BCORL1: variants seen among roughly 807,000 people sequenced by gnomAD.
BCORL1 encodes BCL6 corepressor like 1.
Under a neutral mutation model 87.6 loss-of-function variants are expected in BCORL1, and 7 were observed. The ratio of observed to expected loss-of-function variants is 0.08; its 90% CI spans 0.05 to 0.15. BCORL1 has a LOEUF of 0.15. Ranked by LOEUF, BCORL1 falls within the 10% of genes least tolerant of loss-of-function variation. BCORL1 has a pLI of 1.00. For synonymous variants in BCORL1, 591 were observed against 634.4 expected, an observed-to-expected ratio of 0.93 and a Z score of 1.03; for missense variants, 1,215 against 1,499.7, an observed-to-expected ratio of 0.81 and a Z score of 3.13.
At chrX:130,050,605 T>C in intron 11 of BCORL1, 112 bp from the exon 12 acceptor site, 1 of 621,347 alleles carries the variant, frequency 1.6e-6, no homozygotes, top group Non-Finnish European at 2.7e-6. Flanking sequence ...GACTCTCTTG[T>C]GGTCCTTCCT....
intron 1 of BCORL1, among the ~76,000 whole-genome samples, chrX:129,987,489 A>G (rs1272896225): frequency 8.9e-6 from 1 of 111,888 alleles, no homozygotes; most frequent in Non-Finnish European, 1.9e-5. Flanking sequence ...AACATTAATT[A>G]GAAAATCTAG....
At chrX:130,054,434 G>A (rs1335625960) in intron 13 of BCORL1, among the ~76,000 whole-genome samples, 2 of 111,332 alleles carry the variant, frequency 1.8e-5, no homozygotes, top group African/African-American at 6.5e-5. Flanking sequence ...CCTGGAAGGA[G>A]AGAAGGATGG....
At position 130,014,937 on chromosome X, in the gene BCORL1, A is replaced by G. The variant is rs1303976877; in HGVS notation, c.2165A>G (p.Asn722Ser). The change falls in exon 4 of 14, where the codon AAC becomes AGC. Residue 722 changes from asparagine to serine, a missense_variant. Asn to Ser is a conservative substitution (Grantham distance 46). Around this residue, in one of 5 missense-constraint regions of BCORL1, gnomAD observed 861 missense variants for 1,010.0 expected, o/e 0.85. Transcript: ENST00000540052. ...CCTGGCACCTACGTGGGAGTGGCCAACCCAGTGCCTGCATCCCTGCTGCTG... is the reference window on the plus strand; with the variant it reads ...CCTGGCACCTACGTGGGAGTGGCCAGCCCAGTGCCTGCATCCCTGCTGCTG... ...TIPGTYVGVA[N>S]PVPASLLLNK... The G allele has an allele frequency of 1.9e-5, 23 of 1,211,449 alleles. No individual in the cohort carries two copies. The highest frequency in any genetic ancestry group is 2.6e-5 in the Non-Finnish European group (23 of 895,304).
intron 11 of BCORL1, among the ~76,000 whole-genome samples, chrX:130,041,305 CAGAG>C (rs1277431061): frequency 2.1e-5 from 2 of 97,426 alleles, no homozygotes; most frequent in Non-Finnish European, 4.0e-5. Context: ...AAAAAAGAGA[CAGAG>C]AGGAGAGAAA....
intron 8 of BCORL1, among the ~76,000 whole-genome samples, chrX:130,032,735 A>T (rs760990189): frequency 3.7e-4 from 17 of 46,503 alleles, no homozygotes; most frequent in Admixed American, 1.6e-3. Context: ...AATCTCTTCT[A>T]TTTATTTATT....
At chrX:129,990,381 A>G (rs916137262) in intron 1 of BCORL1, among the ~76,000 whole-genome samples, 6 of 109,453 alleles carry the variant, frequency 5.5e-5, no homozygotes, top group Admixed American at 9.7e-5. Flanking sequence ...ACAGGCGCCC[A>G]CCACCGTGCC....
At chrX:129,994,492 G>A (rs903197154) in intron 1 of BCORL1, among the ~76,000 whole-genome samples, 1 of 111,594 alleles carries the variant, frequency 9.0e-6, no homozygotes, top group Non-Finnish European at 1.9e-5. Flanking sequence ...CTGGCCGCTC[G>A]GCTGAGATGA....
Position 130,014,608 on chromosome X carries a change from C to G in BCORL1, c.1836C>G (p.Ala612=). Residue 612 remains alanine, a synonymous_variant, in exon 4 of 14, where the codon GCC becomes GCG. Coordinates refer to ENST00000540052, the MANE Select transcript of BCORL1 (RefSeq NM_001379451.1). ...KSPPQLEREM[A]SPPECSEMPL... ...CGCCACAGCTGGAACGAGAGATGGC[C>G]TCTCCACCTGAGTGCAGCGAGATGC... 2 of 1,211,716 alleles carry G rather than the reference C, an allele frequency of 1.7e-6. No homozygotes were observed. The highest frequency in any genetic ancestry group is 2.2e-6 in the Non-Finnish European group (2 of 895,505).
intron 1 of BCORL1, among the ~76,000 whole-genome samples, chrX:130,002,873 G>A (rs1241535427): frequency 9.1e-6 from 1 of 110,048 alleles, no homozygotes; most frequent in Non-Finnish European, 1.9e-5. Flanking sequence ...CAGAGGTGAA[G>A]AGAGACAGAG....
At chrX:130,025,414 C>A in intron 7 of BCORL1, 35 bp downstream of exon 7, 1 of 1,117,566 alleles carries the variant, frequency 8.9e-7, no homozygotes. Flanking sequence ...GTCGCCGCGG[C>A]CCGTTTGGCT....
chrX:130,039,393 C>A (rs1265211373), intron 11 of BCORL1, 111 bp downstream of exon 11: 2 of 947,621 alleles, frequency 2.1e-6, no homozygotes, highest in African/African-American at 1.9e-5. Flanking sequence ...CCCATGAGGG[C>A]CATCTGCCCT....
chrX:130,053,378 T>C (rs1412416676), intron 13 of BCORL1, among the ~76,000 whole-genome samples: 6 of 110,281 alleles, frequency 5.4e-5, no homozygotes, highest in Non-Finnish European at 1.1e-4. Flanking sequence ...TCAGGGGCTT[T>C]TGGTCCTTAT....
At chrX:130,030,961 T>G (rs1603143313) in intron 8 of BCORL1, among the ~76,000 whole-genome samples, 3 of 100,941 alleles carry the variant, frequency 3.0e-5, no homozygotes, top group African/African-American at 7.0e-5. Context: ...AAGCAAGGGG[T>G]GGGGGAGGGC....
intron 2 of BCORL1, chrX:130,010,441 G>A (rs1042732819): frequency 5.2e-5 from 5 of 95,556 alleles, no homozygotes; most frequent in African/African-American, 1.5e-4. Context: ...CCCCTTCCCC[G>A]AGACCACCCT....
At chrX:130,052,165 A>C (rs1469813287) in intron 13 of BCORL1, 149 bp downstream of exon 13, 35 of 501,954 alleles carry the variant, frequency 7.0e-5, no homozygotes, top group Non-Finnish European at 3.1e-6. Context: ...CAGAGTAGTC[A>C]TGTTCAAACT....
intron 8 of BCORL1, among the ~76,000 whole-genome samples, chrX:130,031,316 G>C (rs1930587999): frequency 8.9e-6 from 1 of 112,445 alleles, no homozygotes; most frequent in African/African-American, 3.2e-5. Context: ...TTTCAGGATG[G>C]GGACTGATCA....
intron 1 of BCORL1, among the ~76,000 whole-genome samples, chrX:129,991,897 C>T (rs1458366844): frequency 9.7e-6 from 1 of 102,750 alleles, no homozygotes; most frequent in Non-Finnish European, 2.0e-5. Context: ...AACCCCTGAC[C>T]TCGTGATCCA....
At chrX:130,045,527 G>A (rs73569833) in intron 11 of BCORL1, among the ~76,000 whole-genome samples, 11,407 of 111,067 alleles carry the variant, frequency 0.1, 1,470 homozygotes, top group African/African-American at 0.35. Context: ...ACCCTGAGGA[G>A]TAGACAAACT....
chrX:130,021,760 G>C (rs747665708), intron 5 of BCORL1, among the ~76,000 whole-genome samples: 2 of 110,505 alleles, frequency 1.8e-5, no homozygotes, highest in Admixed American at 1.9e-4. Context: ...CCCACCTGAC[G>C]TGACTATGAC....
Sources: allele counts gnomAD v4.1 joint callset (sites outside exome capture counted in the v4.1 genomes callset), GRCh38; gene constraint gnomAD v4.1.1; regional missense constraint gnomAD v4.1.1; transcripts MANE v1.5; gene names NCBI Gene and HGNC (gene_info 2026-07-23, HGNC 2026-07-21).